Variants in TBC1D22A observed in about 807,000 individuals in gnomAD.
TBC1D22A encodes the protein putative GTPase activator.
TBC1D22A carries 38 observed loss-of-function variants against 60.2 expected under a neutral mutation model. The ratio of observed to expected loss-of-function variants is 0.63; its 90% CI spans 0.49 to 0.83. The LOEUF is 0.83. Ranked by LOEUF, TBC1D22A falls within the 40% of genes least tolerant of loss-of-function variation. The pLI is 0.00. For missense variants in TBC1D22A, 628 were observed against 701.0 expected (o/e 0.90, Z 1.18); for synonymous variants, 302 against 281.7 (o/e 1.07, Z -0.72).
chr22:47,156,614 A>G (rs1446838876), intron 12 of TBC1D22A, among the ~76,000 whole-genome samples: 1 of 152,038 alleles, frequency 6.6e-6, no homozygotes, highest in African/African-American at 2.4e-5. Flanking sequence ...TGGGGAGGTG[A>G]GGGTGGGCCT....
chr22:46,964,508 T>C (rs1330913459), intron 8 of TBC1D22A, among the ~76,000 whole-genome samples: 2 of 152,120 alleles, frequency 1.3e-5, no homozygotes, highest in Non-Finnish European at 1.5e-5. Context: ...GCCATACAAT[T>C]GATTAAATTT....
chr22:46,834,013 A>C (rs1569106158), intron 4 of TBC1D22A, among the ~76,000 whole-genome samples: 1 of 151,926 alleles, frequency 6.6e-6, no homozygotes, highest in Non-Finnish European at 1.5e-5. Context: ...TAGAATTCTT[A>C]TTCTTCTCAA....
intron 4 of TBC1D22A, among the ~76,000 whole-genome samples, chr22:46,834,481 T>A (rs1296652482): frequency 2.0e-5 from 3 of 152,180 alleles, no homozygotes; most frequent in African/African-American, 7.2e-5. Context: ...GCCAACTCCC[T>A]TGGTTCTTGA....
chr22:47,052,376 G>A (rs562907624), intron 11 of TBC1D22A, among the ~76,000 whole-genome samples: 2 of 152,328 alleles, frequency 1.3e-5, no homozygotes, highest in South Asian at 4.1e-4. Context: ...CACAGCGGGC[G>A]AGCCTGGGGA....
chr22:46,881,244 C>T (rs1285921046), intron 5 of TBC1D22A, among the ~76,000 whole-genome samples: 1 of 152,166 alleles, frequency 6.6e-6, no homozygotes, highest in Non-Finnish European at 1.5e-5. Context: ...TTGGTTCATT[C>T]ATTCATCCAT....
intron 5 of TBC1D22A, among the ~76,000 whole-genome samples, chr22:46,890,486 A>T (rs552873312): frequency 1.3e-5 from 2 of 152,318 alleles, no homozygotes; most frequent in South Asian, 2.1e-4. Context: ...ATTCAAGCAG[A>T]TGTGCATAAG....
intron 4 of TBC1D22A, among the ~76,000 whole-genome samples, chr22:46,842,219 T>C (rs574908665): frequency 6.6e-6 from 1 of 152,352 alleles, no homozygotes; most frequent in South Asian, 2.1e-4. Flanking sequence ...AACAAGCTGC[T>C]TTCTTTGGGG....
At chr22:46,912,508 C>G (rs1485689885) in intron 8 of TBC1D22A, among the ~76,000 whole-genome samples, 1 of 152,168 alleles carries the variant, frequency 6.6e-6, no homozygotes, top group African/African-American at 2.4e-5. Context: ...TTCAGTCATT[C>G]AATCGATCAG....
At chr22:47,150,042 G>T (rs2067441856) in intron 12 of TBC1D22A, among the ~76,000 whole-genome samples, 1 of 152,166 alleles carries the variant, frequency 6.6e-6, no homozygotes, top group Admixed American at 6.5e-5. Context: ...TGGGCCAGGG[G>T]CTGGGATTAG....
chr22:46,848,768 G>C (rs2087136550), intron 4 of TBC1D22A, among the ~76,000 whole-genome samples: 1 of 152,142 alleles, frequency 6.6e-6, no homozygotes, highest in Admixed American at 6.5e-5. Flanking sequence ...ATGACACGTT[G>C]CTCTAAGTAG....
intron 8 of TBC1D22A, among the ~76,000 whole-genome samples, chr22:46,918,026 G>A (rs1486777738): frequency 6.6e-6 from 1 of 152,172 alleles, no homozygotes; most frequent in African/African-American, 2.4e-5. Flanking sequence ...CGGCCTTGGT[G>A]CCTCAGTGAT....
At chr22:47,044,925 C>T (rs1353975734) in intron 11 of TBC1D22A, among the ~76,000 whole-genome samples, 1 of 152,216 alleles carries the variant, frequency 6.6e-6, no homozygotes, top group East Asian at 1.9e-4. Context: ...TTTCTTCCCC[C>T]TGCAGGCCTG....
chr22:46,842,070 C>A (rs2086796044), intron 4 of TBC1D22A, among the ~76,000 whole-genome samples: 1 of 152,338 alleles, frequency 6.6e-6, no homozygotes, highest in Non-Finnish European at 1.5e-5. Flanking sequence ...GCCCATCCAA[C>A]ATGAAACAAG....
chr22:47,052,059 C>T (rs2063240888), intron 11 of TBC1D22A, among the ~76,000 whole-genome samples: 1 of 143,824 alleles, frequency 7.0e-6, no homozygotes, highest in Admixed American at 7.2e-5. Context: ...CAGGGTGGGG[C>T]AGGCTCTCAC....
chr22:47,175,238 A>G lies in TBC1D22A; in HGVS notation c.*1612A>G, dbSNP rs1024955690. On this transcript the variant is annotated 3_prime_UTR_variant, in exon 13 of 13. Coordinates refer to ENST00000337137, the MANE Select transcript of TBC1D22A (RefSeq NM_014346.5). ...CAGCAAAGGGATGGGCTTGCTTCAC[A>G]TCAGATGCGGGCACGCCTTACCCCT... The G allele has an allele frequency of 6.6e-6, 1 of 152,358 alleles. No homozygotes were observed. Among genetic ancestry groups the G allele is most frequent in the Non-Finnish European group, 1.5e-5 (1 of 68,106 alleles). The allele number at this position is 152,358 out of a possible 1,614,324, so 9.4% of individuals were successfully genotyped here. A position where few individuals can be genotyped will look rare whatever the true frequency, so the allele number is the denominator to read the frequency against.
chr22:47,043,974 G>GCT (rs2062935431), intron 11 of TBC1D22A, among the ~76,000 whole-genome samples: 1 of 152,224 alleles, frequency 6.6e-6, no homozygotes. Flanking sequence ...GAGCGGGGCA[G>GCT]GTGCTGGGGA....
At chr22:46,956,570 GGGTC>G (rs1349875837) in intron 8 of TBC1D22A, among the ~76,000 whole-genome samples, 2 of 152,190 alleles carry the variant, frequency 1.3e-5, no homozygotes, top group Non-Finnish European at 2.9e-5. Flanking sequence ...TCCTTTTCAG[GGGTC>G]AACCTGGTCA....
At chr22:46,938,780 T>C (rs2071812461) in intron 8 of TBC1D22A, among the ~76,000 whole-genome samples, 1 of 152,010 alleles carries the variant, frequency 6.6e-6, no homozygotes. Flanking sequence ...GAGATGGGGT[T>C]TCACCATGTT....
chr22:47,060,404 G>C (rs934412550), intron 11 of TBC1D22A, among the ~76,000 whole-genome samples: 32 of 151,372 alleles, frequency 2.1e-4, no homozygotes, highest in Admixed American at 1.6e-3. Flanking sequence ...ACCATGCCCA[G>C]CTAATTCGTT....
Sources: gnomAD v4.1 joint callset for allele counts (sites outside exome capture counted in the v4.1 genomes callset) on GRCh38, gnomAD v4.1.1 for gene constraint, MANE v1.5 for transcripts, NCBI Gene and HGNC (gene_info 2026-07-23, HGNC 2026-07-21) for gene names.